Variants in C16orf74 observed in about 807,000 individuals in gnomAD.
C16orf74 encodes the protein uncharacterized protein C16orf74.
Under a neutral mutation model 6.5 loss-of-function variants are expected in C16orf74, and 10 were observed. That is an observed-to-expected ratio of 1.54 (90% CI 0.95 to 2.61). The LOEUF is 2.61. Ranked by LOEUF, C16orf74 falls within the 30% of genes most tolerant of loss-of-function variation. The pLI is 0.00. For missense variants in C16orf74, 141 were observed against 105.9 expected (o/e 1.33, Z -1.45); for synonymous variants, 60 against 42.5 (o/e 1.41, Z -1.60).
intron 2 of C16orf74, among the ~76,000 whole-genome samples, chr16:85,723,293 T>G (rs1598790460): frequency 7.3e-6 from 1 of 136,918 alleles, no homozygotes; most frequent in Non-Finnish European, 1.5e-5. Context: ...CCAGGTGCAG[T>G]GGCACATGCC....
chr16:85,739,608 G>A (rs2054280944), intron 1 of C16orf74, among the ~76,000 whole-genome samples: 2 of 152,246 alleles, frequency 1.3e-5, no homozygotes, highest in East Asian at 3.9e-4. Flanking sequence ...TGACCAGCCT[G>A]GGCAACATGG....
chr16:85,712,860 CG>C (rs1239677826), intron 2 of C16orf74, among the ~76,000 whole-genome samples: 2 of 152,116 alleles, frequency 1.3e-5, no homozygotes, highest in African/African-American at 4.8e-5. Flanking sequence ...CTTTGTTTGC[CG>C]GGGGCTGTGG....
In C16orf74 at chr16:85,711,443, C is replaced by T. The variant is rs142251795; in HGVS notation, c.29-1136G>A. Among the ~76,000 whole-genome samples the T allele has an allele frequency of 2.8e-3, 397 of 144,062 alleles. 2 individuals carry two copies. Among genetic ancestry groups the T allele is most frequent in the South Asian group, 0.012 (51 of 4,352 alleles). 94.5% of individuals were successfully genotyped at this position (144,062 alleles called of 152,430 possible). On this transcript the variant is annotated intron_variant, in intron 2 of 3. Transcript: ENST00000284245. ...CAGCCTGACCAACACGGAGAAACCC[C>T]GTCTCCACTGAAAATACAAAAAAAA...
chr16:85,749,755 G>A (rs1365902046), intron 1 of C16orf74, among the ~76,000 whole-genome samples: 2 of 152,258 alleles, frequency 1.3e-5, no homozygotes, highest in East Asian at 3.8e-4. Flanking sequence ...AGTCTCCAGA[G>A]GTGACCTGCA....
intron 2 of C16orf74, among the ~76,000 whole-genome samples, chr16:85,733,117 G>T (rs2054207686): frequency 6.6e-6 from 1 of 152,198 alleles, no homozygotes; most frequent in Non-Finnish European, 1.5e-5. Context: ...CGTCAAAGAT[G>T]TCCTGACACA....
At chr16:85,748,943 T>TA (rs1370096342) in intron 1 of C16orf74, among the ~76,000 whole-genome samples, 1,457 of 144,398 alleles carry the variant, frequency 0.01, 14 homozygotes, top group African/African-American at 0.029. Flanking sequence ...TTTTTTTTTT[T>TA]TTTTATTTTA....
rs1321385774 is a variant in C16orf74, at chr16:85,748,091, A to AAT, written c.-19+2833_-19+2834dup. On this transcript the variant is annotated intron_variant, in intron 1 of 3. Transcript: ENST00000284245. ...ACAGAGCGAGACTCCGTCTCAAAAA[A>AAT]ATATATATATATATACATATATATA... Among the ~76,000 whole-genome samples the AAT allele has an allele frequency of 7.5e-4, 50 of 66,964 alleles. 2 individuals carry two copies. Among genetic ancestry groups the AAT allele is most frequent in the Admixed American group, 4.4e-3 (28 of 6,328 alleles). The allele number at this position is 66,964 out of a possible 152,430, so 43.9% of individuals were successfully genotyped here.
intron 2 of C16orf74, among the ~76,000 whole-genome samples, chr16:85,718,334 G>C (rs1415152292): frequency 1.3e-5 from 2 of 152,166 alleles, no homozygotes; most frequent in Non-Finnish European, 2.9e-5. Context: ...CCAAAGTCCT[G>C]GGGTTACAGG....
chr16:85,724,582 T>A lies in C16orf74; in HGVS notation c.28+10608A>T, dbSNP rs115479785. On this transcript the variant is annotated intron_variant, in intron 2 of 3. Coordinates refer to ENST00000284245, the MANE Select transcript of C16orf74 (RefSeq NM_206967.3). ...GGAGATGGAGGGAAAGAGCTGAACC[T>A]GCCTGGTGAGGTGTGAGCTTTGGGA... Among the ~76,000 whole-genome samples the A allele has an allele frequency of 5.5e-3, 838 of 151,746 alleles. 8 individuals carry two copies. The highest frequency in any genetic ancestry group is 0.019 in the African/African-American group (806 of 41,388).
At chr16:85,713,871 A>C (rs2053993651) in intron 2 of C16orf74, among the ~76,000 whole-genome samples, 1 of 152,088 alleles carries the variant, frequency 6.6e-6, no homozygotes, top group Admixed American at 6.5e-5. Flanking sequence ...ACAGTGGGAG[A>C]CTGTGCCTGG....
At chr16:85,748,238 G>A (rs1259902549) in intron 1 of C16orf74, among the ~76,000 whole-genome samples, 6 of 151,836 alleles carry the variant, frequency 4.0e-5, no homozygotes, top group Non-Finnish European at 8.8e-5. Context: ...AAGTACGTGG[G>A]ATGGGGAGAC....
intron 1 of C16orf74, among the ~76,000 whole-genome samples, chr16:85,749,458 T>A (rs2054411249): frequency 6.6e-6 from 1 of 151,968 alleles, no homozygotes; most frequent in South Asian, 2.1e-4. Context: ...CATTAAAAAA[T>A]TTTTAGTAGC....
intron 2 of C16orf74, among the ~76,000 whole-genome samples, chr16:85,724,307 C>T (rs749555847): frequency 4.6e-5 from 7 of 152,190 alleles, no homozygotes; most frequent in Non-Finnish European, 8.8e-5. Flanking sequence ...TCACCTTTGT[C>T]CATCCCACAG....
At chr16:85,727,922 C>A (rs1160952142) in intron 2 of C16orf74, among the ~76,000 whole-genome samples, 1 of 137,696 alleles carries the variant, frequency 7.3e-6, no homozygotes, top group Non-Finnish European at 1.5e-5. Context: ...GAAGCCAAGA[C>A]TTTAAGACTA....
At chr16:85,736,415 G>A (rs558032412) in intron 1 of C16orf74, among the ~76,000 whole-genome samples, 1 of 152,276 alleles carries the variant, frequency 6.6e-6, no homozygotes, top group South Asian at 2.1e-4. Flanking sequence ...TGCCTGCTGA[G>A]GTCAGAGATG....
At chr16:85,743,333 G>T (rs2054331082) in intron 1 of C16orf74, 1 of 152,234 alleles carries the variant, frequency 6.6e-6, no homozygotes, top group East Asian at 1.9e-4. Context: ...ATATCCAGCT[G>T]TTTTCAGTGT....
At chr16:85,741,171 G>A (rs1239955790) in intron 1 of C16orf74, among the ~76,000 whole-genome samples, 1 of 152,178 alleles carries the variant, frequency 6.6e-6, no homozygotes, top group Non-Finnish European at 1.5e-5. Flanking sequence ...GCAGGATGCG[G>A]GCGGCAGCAT....
At chr16:85,715,211 A>G (rs1276363169) in intron 2 of C16orf74, among the ~76,000 whole-genome samples, 3 of 151,834 alleles carry the variant, frequency 2.0e-5, no homozygotes, top group African/African-American at 7.3e-5. Flanking sequence ...ACAGAAGCCC[A>G]GAGTGTGAAA....
intron 2 of C16orf74, among the ~76,000 whole-genome samples, chr16:85,718,734 G>A (rs1048667814): frequency 2.0e-5 from 3 of 152,244 alleles, no homozygotes; most frequent in East Asian, 1.9e-4. Flanking sequence ...CTGTGCACAC[G>A]TAATAAACAC....
Sources: allele counts gnomAD v4.1 joint callset (sites outside exome capture counted in the v4.1 genomes callset), GRCh38; gene constraint gnomAD v4.1.1; transcripts MANE v1.5; gene names NCBI Gene and HGNC (gene_info 2026-07-23, HGNC 2026-07-21).